The following CELF2 variants were observed in gnomAD, a reference collection of about 807,000 sequenced individuals.
CELF2 encodes the protein CUG triplet repeat RNA-binding protein 2.
CELF2 carries 8 observed loss-of-function variants against 62.6 expected under a neutral mutation model. The observed-to-expected ratio is 0.13, with a 90% CI of 0.07 to 0.23. CELF2 has a LOEUF of 0.23. CELF2 is among the 10% of genes least tolerant of loss of function. CELF2 has a pLI of 1.00. For synonymous variants in CELF2, 258 were observed against 250.0 expected (o/e 1.03, Z -0.30); for missense variants, 333 against 671.0 (o/e 0.50, Z 5.56).
At chr10:10,917,361 A>G (rs940247976) in intron 1 of CELF2, among the ~76,000 whole-genome samples, 2 of 152,170 alleles carry the variant, frequency 1.3e-5, no homozygotes, top group Non-Finnish European at 2.9e-5. Flanking sequence ...AAGAGACAGA[A>G]TGTCACTCTG....
the CELF2 span, among the ~76,000 whole-genome samples, chr10:10,541,995 G>C: frequency 1.6e-4 from 24 of 152,232 alleles, no homozygotes; most frequent in African/African-American, 4.6e-4. Flanking sequence ...AAGTTCATTT[G>C]TCAGTAAATG....
the CELF2 span, among the ~76,000 whole-genome samples, chr10:10,471,380 G>A: frequency 1.3e-5 from 2 of 151,562 alleles, no homozygotes; most frequent in Non-Finnish European, 3.0e-5. Context: ...CTCCCCCTAA[G>A]TTCTCTCAGA....
At chr10:10,742,623 G>A in the CELF2 span, among the ~76,000 whole-genome samples, 3 of 151,592 alleles carry the variant, frequency 2.0e-5, no homozygotes, top group African/African-American at 7.2e-5. Context: ...TTTTTACTCA[G>A]GTGAAATTAA....
chr10:10,511,821 T>C, the CELF2 span, among the ~76,000 whole-genome samples: 1 of 152,210 alleles, frequency 6.6e-6, no homozygotes, highest in Non-Finnish European at 1.5e-5. Flanking sequence ...AGCAGCCCAG[T>C]AAGAACCATA....
rs2074266239 is a variant in CELF2, at chr10:11,242,515, G to A, written c.355-6638G>A. Among the ~76,000 whole-genome samples the A allele has an allele frequency of 6.6e-6, 1 of 152,184 alleles. No homozygotes were observed. The highest frequency in any genetic ancestry group is 2.4e-5 in the African/African-American group (1 of 41,434). On this transcript the variant is annotated intron_variant, in intron 3 of 12. Transcript: ENST00000633077. This position sits in a 1 kb window ranked among gnomAD's most constrained non-coding sequence, Gnocchi z 4.8. ...CGACTCTGGAGAGTATAGCTGCTGG[G>A]TGCAGCTGCTCCGTGGCCAGCTTCA... is the stretch of plus-strand genomic sequence containing the variant.
intron 1 of CELF2, among the ~76,000 whole-genome samples, chr10:10,842,255 T>C (rs1447353106): frequency 2.0e-5 from 3 of 152,070 alleles, no homozygotes; most frequent in Non-Finnish European, 1.5e-5. Context: ...TTTATTTCTT[T>C]TGTTCCAATC....
chr10:10,940,606 C>G (rs1019165367), intron 2 of CELF2, among the ~76,000 whole-genome samples: 3 of 152,182 alleles, frequency 2.0e-5, no homozygotes, highest in Non-Finnish European at 4.4e-5. Flanking sequence ...ACTCATATGG[C>G]TATCTTAAAT....
intron 2 of CELF2, among the ~76,000 whole-genome samples, chr10:10,992,644 A>G (rs1001083108): frequency 6.6e-6 from 1 of 152,242 alleles, no homozygotes; most frequent in Admixed American, 6.5e-5. Flanking sequence ...AAGAGGGTGT[A>G]TTAGGGTTCA....
rs565099511 is a variant in CELF2, at chr10:11,290,579, G to A, written c.976+2027G>A. On this transcript the variant is annotated intron_variant, in intron 9 of 12. Transcript: ENST00000633077. This position sits in a 1 kb window ranked among gnomAD's most constrained non-coding sequence, Gnocchi z 4.3. ...GACGGTCTAGGGCGACGGCCTAGGTGTTAGTCGGAAAGGAATTTTAAATGT... is the reference window on the plus strand; with the variant it reads ...GACGGTCTAGGGCGACGGCCTAGGTATTAGTCGGAAAGGAATTTTAAATGT... Among the ~76,000 whole-genome samples the A allele has an allele frequency of 1.6e-3, 245 of 151,790 alleles. 3 individuals are homozygous for A. Among genetic ancestry groups the A allele is most frequent in the African/African-American group, 5.7e-3 (234 of 41,372 alleles).
the CELF2 span, among the ~76,000 whole-genome samples, chr10:10,514,283 C>T: frequency 2.3e-4 from 35 of 152,196 alleles, no homozygotes; most frequent in Non-Finnish European, 1.3e-4. Context: ...GCTCGTTATA[C>T]TAACTGATCG....
intron 1 of CELF2, among the ~76,000 whole-genome samples, chr10:11,120,095 A>G (rs1367436258): frequency 6.6e-6 from 1 of 152,144 alleles, no homozygotes. Context: ...GGAGAGGTTC[A>G]TTTGAGTCAG....
the CELF2 span, among the ~76,000 whole-genome samples, chr10:10,485,261 G>A: frequency 5.9e-5 from 9 of 152,270 alleles, no homozygotes; most frequent in South Asian, 1.2e-3. Context: ...CCAAGGACCC[G>A]CAATTAGAAG....
At chr10:11,001,437 A>G (rs2054509597), upstream of CELF2, among the ~76,000 whole-genome samples, 1 of 152,234 alleles carries the variant, frequency 6.6e-6, no homozygotes, top group Non-Finnish European at 1.5e-5. Flanking sequence ...AAATGCCAAA[A>G]TGCAAAGACA....
chr10:11,293,441 T>C (rs1173998981), intron 9 of CELF2, among the ~76,000 whole-genome samples: 2 of 152,252 alleles, frequency 1.3e-5, no homozygotes, highest in African/African-American at 4.8e-5. Context: ...TAGTTAGGAT[T>C]GATCACTTCC....
chr10:10,719,443 T>A, the CELF2 span, among the ~76,000 whole-genome samples: 4 of 152,028 alleles, frequency 2.6e-5, no homozygotes, highest in South Asian at 8.3e-4. Flanking sequence ...TGTTGTTGTT[T>A]TTCGTAGAGA....
Position 11,319,025 on chromosome 10 carries a change from G to A in CELF2, c.1097-2164G>A, listed in dbSNP as rs2095263656. 2.1e-6 allele frequency: 1 copy of A among 470,926 alleles called. No homozygotes were observed. The highest frequency in any genetic ancestry group is 1.5e-5 in the South Asian group (1 of 64,572). 29.2% of individuals were successfully genotyped at this position (470,926 alleles called of 1,614,324 possible). Reference sequence around the variant, plus strand: ...TGCTGTCTTCAGCCCGTCCTCGTCTGGCAGCAAGGCCCCACATGGCTCTGC... The same window carrying A: ...TGCTGTCTTCAGCCCGTCCTCGTCTAGCAGCAAGGCCCCACATGGCTCTGC... On this transcript the variant is annotated intron_variant, in intron 10 of 12. Transcript: ENST00000633077. This position sits in a 1 kb window ranked among gnomAD's most constrained non-coding sequence, Gnocchi z 4.4.
intron 1 of CELF2, among the ~76,000 whole-genome samples, chr10:11,124,476 G>A (rs1010719350): frequency 2.0e-5 from 3 of 152,170 alleles, no homozygotes; most frequent in Admixed American, 6.5e-5. Context: ...AAAGATGAAT[G>A]TAATAAACTT....
chr10:10,598,751 CTTTTTTTT>C, the CELF2 span, among the ~76,000 whole-genome samples: 86 of 69,578 alleles, frequency 1.2e-3, no homozygotes, highest in African/African-American at 1.2e-3. Flanking sequence ...CTTTTTCTTT[CTTTTTTTT>C]TTTTTTTTTT....
intron 1 of CELF2, among the ~76,000 whole-genome samples, chr10:10,899,579 CA>C (rs1198778084): frequency 6.6e-6 from 1 of 152,150 alleles, no homozygotes; most frequent in Non-Finnish European, 1.5e-5. Context: ...AATGTAAAAA[CA>C]TTCTTAGCTT....
Sources: allele counts gnomAD v4.1 joint callset (sites outside exome capture counted in the v4.1 genomes callset), GRCh38; gene constraint gnomAD v4.1.1; non-coding constraint Gnocchi (gnomAD v3.1); transcripts MANE v1.5; gene names NCBI Gene and HGNC (gene_info 2026-07-23, HGNC 2026-07-21).